NTM: variants seen among roughly 807,000 people sequenced by gnomAD.
The protein encoded by NTM is IgLON family member 2.
In NTM, 13 loss-of-function variants were observed where a neutral mutation model predicts 42.1. The ratio of observed to expected loss-of-function variants is 0.31; its 90% confidence interval spans 0.20 to 0.49. The LOEUF is 0.49. Among genes scored for constraint, NTM ranks in the 20% least tolerant of loss-of-function variants. The pLI is 0.99. For missense variants in NTM, 373 were observed against 452.8 expected (o/e 0.82, Z 1.60); for synonymous variants, 187 against 179.2 (o/e 1.04, Z -0.35).
chr11:131,948,883 A>G (rs947189964), intron 2 of NTM, among the ~76,000 whole-genome samples: 5 of 152,202 alleles, frequency 3.3e-5, no homozygotes, highest in Admixed American at 1.3e-4. Context: ...TTTAAAGTCT[A>G]CAATACAGTA....
intron 1 of NTM, among the ~76,000 whole-genome samples, chr11:131,602,904 C>T (rs1384240127): frequency 2.0e-5 from 3 of 152,160 alleles, no homozygotes; most frequent in Non-Finnish European, 4.4e-5. Context: ...GTCAGCAAGT[C>T]CTGTCAATTC....
At chr11:131,464,970 C>A (rs1383284021) in intron 1 of NTM, among the ~76,000 whole-genome samples, 1 of 152,174 alleles carries the variant, frequency 6.6e-6, no homozygotes, top group East Asian at 1.9e-4. Flanking sequence ...GCCATTAAAG[C>A]CTTTGGAAAA....
chr11:131,444,805 G>A (rs1395097029), intron 1 of NTM, among the ~76,000 whole-genome samples: 4 of 152,184 alleles, frequency 2.6e-5, no homozygotes, highest in Non-Finnish European at 5.9e-5. Context: ...AGGGCTTTCT[G>A]TTGGCTAAGA....
intron 1 of NTM, among the ~76,000 whole-genome samples, chr11:131,554,684 C>T (rs944323754): frequency 6.6e-6 from 1 of 152,070 alleles, no homozygotes; most frequent in African/African-American, 2.4e-5. Flanking sequence ...CAAAGGAATC[C>T]CTGAGGTTCA....
intron 1 of NTM, among the ~76,000 whole-genome samples, chr11:131,495,013 G>T (rs115780298): frequency 0.012 from 1,872 of 152,264 alleles, 40 homozygotes; most frequent in African/African-American, 0.043. Flanking sequence ...AGGGTATTTG[G>T]AGGAAATTTG....
intron 2 of NTM, among the ~76,000 whole-genome samples, chr11:132,066,836 G>A (rs1033321654): frequency 2.0e-5 from 3 of 151,928 alleles, no homozygotes; most frequent in African/African-American, 7.3e-5. Context: ...CCCATCTATG[G>A]ATCCTTAACT....
At chr11:131,942,654 A>C (rs971134638) in intron 2 of NTM, among the ~76,000 whole-genome samples, 4 of 152,294 alleles carry the variant, frequency 2.6e-5, no homozygotes, top group Non-Finnish European at 5.9e-5. Flanking sequence ...TCAAGAATGC[A>C]TAGAGTTTAG....
chr11:131,458,909 T>A (rs1369901180), intron 1 of NTM, among the ~76,000 whole-genome samples: 1 of 152,276 alleles, frequency 6.6e-6, no homozygotes, highest in African/African-American at 2.4e-5. Context: ...AAGGTCCTAA[T>A]TGATACTGAG....
intron 4 of NTM, among the ~76,000 whole-genome samples, chr11:132,298,463 C>A (rs2094709666): frequency 6.6e-6 from 1 of 152,104 alleles, no homozygotes; most frequent in South Asian, 2.1e-4. Flanking sequence ...GGTCTGCATG[C>A]AGATTTGAGC....
At chr11:132,212,296 C>T (rs755146378) in intron 4 of NTM, 149 bp downstream of exon 4, 104 of 618,426 alleles carry the variant, frequency 1.7e-4, no homozygotes, top group South Asian at 2.7e-4. Flanking sequence ...CTGCAGAGAA[C>T]GTTGATGTTC....
At chr11:132,043,958 A>ATGTGTGTGTGTGTGTGTGTGTGTGTG (rs71067353) in intron 2 of NTM, among the ~76,000 whole-genome samples, 2 of 146,366 alleles carry the variant, frequency 1.4e-5, no homozygotes, top group South Asian at 2.2e-4. Context: ...GACACCAACT[A>ATGTGTGTGTGTGTGTGTGTGTGTGTG]TGTGTGTGTG....
At chr11:132,248,423 G>T (rs1417045957) in intron 4 of NTM, among the ~76,000 whole-genome samples, 3 of 149,980 alleles carry the variant, frequency 2.0e-5, no homozygotes, top group Admixed American at 6.6e-5. Flanking sequence ...TTCTCCCCTT[G>T]CTTTAATACA....
intron 4 of NTM, among the ~76,000 whole-genome samples, chr11:132,289,559 C>G (rs2094382243): frequency 6.6e-6 from 1 of 152,170 alleles, no homozygotes; most frequent in Admixed American, 6.5e-5. Flanking sequence ...ATACTCCATC[C>G]CCTCACCCCC....
intron 1 of NTM, among the ~76,000 whole-genome samples, chr11:131,828,885 T>C (rs186226647): frequency 4.9e-4 from 74 of 152,268 alleles, no homozygotes; most frequent in Non-Finnish European, 4.3e-4. Flanking sequence ...TTAAAGCTAG[T>C]AAAAATGTTC....
intron 3 of NTM, among the ~76,000 whole-genome samples, chr11:132,177,029 G>A (rs182986538): frequency 3.6e-4 from 54 of 152,070 alleles, no homozygotes; most frequent in African/African-American, 4.3e-4. Context: ...GAGCCGTGCC[G>A]CCTGACATGC....
Position 131,892,337 on chromosome 11 carries a change from G to A in NTM, c.83-19227G>A, listed in dbSNP as rs193039182. Reference sequence around the variant, plus strand: ...GATATCAATTATGGTTATTGTAACCGTGCAAAGAGAGAGAATCTTTCTCAT... The same window carrying A: ...GATATCAATTATGGTTATTGTAACCATGCAAAGAGAGAGAATCTTTCTCAT... On this transcript the variant is annotated intron_variant, in intron 1 of 8. Coordinates refer to ENST00000683400, the MANE Select transcript of NTM (RefSeq NM_001352005.2). 1.6e-4 allele frequency among the ~76,000 whole-genome samples: 24 copies of A among 152,312 alleles called. No individual in the cohort carries two copies. In the East Asian group the frequency reaches 3.5e-3, roughly 22 times the overall value.
chr11:131,685,104 T>C (rs1021655221), intron 1 of NTM, among the ~76,000 whole-genome samples: 6 of 152,218 alleles, frequency 3.9e-5, no homozygotes, highest in African/African-American at 9.6e-5. Context: ...ATAGCTTCCA[T>C]AGGTGTCATG....
chr11:132,263,406 T>TGTTTCCTTCA (rs2092990338), intron 4 of NTM, among the ~76,000 whole-genome samples: 1 of 152,244 alleles, frequency 6.6e-6, no homozygotes, highest in Non-Finnish European at 1.5e-5. Flanking sequence ...TCCTTCCTTC[T>TGTTTCCTTCA]GTTTCCTTCA....
At chr11:131,718,044 A>C (rs1405851865) in intron 1 of NTM, among the ~76,000 whole-genome samples, 4 of 152,230 alleles carry the variant, frequency 2.6e-5, no homozygotes, top group Admixed American at 2.6e-4. Flanking sequence ...CTAGCCTTGT[A>C]TTCCTGGGAT....
Sources: gnomAD v4.1 joint callset for allele counts (sites outside exome capture counted in the v4.1 genomes callset) on GRCh38, gnomAD v4.1.1 for gene constraint, MANE v1.5 for transcripts, NCBI Gene and HGNC (gene_info 2026-07-23, HGNC 2026-07-21) for gene names.